Variants in TIMM23B observed in about 807,000 individuals in gnomAD.
TIMM23B encodes translocase of inner mitochondrial membrane 23 homolog B.
Under a neutral mutation model 27.3 loss-of-function variants are expected in TIMM23B, and 27 were observed. That is an observed-to-expected ratio of 0.99 (90% confidence interval 0.73 to 1.36). The LOEUF is 1.36. Among genes scored for constraint, TIMM23B ranks in the 40% most tolerant of loss-of-function variants. The pLI is 0.00. For synonymous variants in TIMM23B, 73 were observed against 92.4 expected, an observed-to-expected ratio of 0.79 and a Z score of 1.21; for missense variants, 205 against 244.2, an observed-to-expected ratio of 0.84 and a Z score of 1.07.
At chr10:49,952,268 A>T in intron 3 of TIMM23B, 49 bp downstream of exon 3, 1 of 1,534,630 alleles carries the variant, frequency 6.5e-7, no homozygotes, top group Non-Finnish European at 9.0e-7. Context: ...CAAGTAGTTG[A>T]GGGTGCGTAA....
intron 6 of TIMM23B, among the ~76,000 whole-genome samples, chr10:49,965,626 A>C (rs1386467781): frequency 2.2e-5 from 3 of 138,632 alleles, no homozygotes; most frequent in South Asian, 2.3e-4. Flanking sequence ...CGCACTCCAG[A>C]CTGGGCGATA....
intron 6 of TIMM23B, among the ~76,000 whole-genome samples, chr10:49,968,340 G>C (rs1219109316): frequency 2.0e-5 from 3 of 152,244 alleles, no homozygotes; most frequent in African/African-American, 7.2e-5. Context: ...GAAAAACTTA[G>C]ATTTTACAAT....
rs1320529818 is a variant in TIMM23B, at chr10:49,947,405, C to G, written c.165+2315C>G. Among the ~76,000 whole-genome samples, 3 of 149,584 alleles carry G rather than the reference C, an allele frequency of 2.0e-5. No homozygotes were observed. The East Asian group carries it at 6.0e-4, about 30-fold the overall frequency. On this transcript the variant is annotated intron_variant, in intron 2 of 6. Coordinates refer to ENST00000651259, the MANE Select transcript of TIMM23B (RefSeq NM_001290117.2). ...GGTGGATCACCTGAGGTCAGGAGTT[C>G]GAGACCAGCCTGGCCAACATGGTGA... is the stretch of plus-strand genomic sequence containing the variant.
intron 2 of TIMM23B, among the ~76,000 whole-genome samples, chr10:49,951,471 C>G (rs1359013471): frequency 6.6e-6 from 1 of 151,630 alleles, no homozygotes; most frequent in Non-Finnish European, 1.5e-5. Context: ...GGTGCATTGA[C>G]TCTTCAAAAT....
intron 2 of TIMM23B, among the ~76,000 whole-genome samples, chr10:49,951,793 G>C (rs1839537675): frequency 6.6e-6 from 1 of 152,194 alleles, no homozygotes; most frequent in Non-Finnish European, 1.5e-5. Flanking sequence ...GTTTCTTCCA[G>C]ACTGGTTGTC....
intron 1 of TIMM23B, among the ~76,000 whole-genome samples, chr10:49,942,734 C>T (rs5000941): frequency 3.3e-5 from 5 of 152,100 alleles, no homozygotes; most frequent in East Asian, 3.9e-4. Context: ...AGTAATATTG[C>T]ATGTAAGTGA....
chr10:49,962,611 G>A (rs1839958008), intron 6 of TIMM23B, among the ~76,000 whole-genome samples: 1 of 152,042 alleles, frequency 6.6e-6, no homozygotes, highest in Non-Finnish European at 1.5e-5. Context: ...CCACTTCAGG[G>A]CCTTTATTCT....
intron 2 of TIMM23B, among the ~76,000 whole-genome samples, chr10:49,947,704 G>C (rs1333973851): frequency 6.6e-6 from 1 of 152,134 alleles, no homozygotes; most frequent in Non-Finnish European, 1.5e-5. Context: ...TGAGGCGGGA[G>C]GATCACTTGA....
At chr10:49,945,335 A>G (rs1159501549) in intron 2 of TIMM23B, among the ~76,000 whole-genome samples, 1 of 152,112 alleles carries the variant, frequency 6.6e-6, no homozygotes, top group Non-Finnish European at 1.5e-5. Context: ...CCCCAATAAA[A>G]GTATTGGGAT....
chr10:49,958,333 ACT>A, intron 5 of TIMM23B, 35 bp from the exon 6 acceptor site: 2 of 1,562,582 alleles, frequency 1.3e-6, no homozygotes, highest in South Asian at 2.2e-5. Flanking sequence ...ACACTTTATC[ACT>A]GTTTTGTCAC....
rs1336965953 is a variant in TIMM23B at position 49,947,584 on chromosome 10, T to C, written c.165+2494T>C. ...AGATCGCACCACCCGCACTTCAGCC[T>C]GGGCAACAGAGTAAGACTCGGTCTC... On this transcript the variant is annotated intron_variant, in intron 2 of 6. Transcript: ENST00000651259. 9.5e-4 allele frequency among the ~76,000 whole-genome samples: 144 copies of C among 151,942 alleles called. 1 individual carries two copies. The highest frequency in any genetic ancestry group is 2.4e-4 in the Non-Finnish European group (16 of 68,000).
intron 2 of TIMM23B, among the ~76,000 whole-genome samples, chr10:49,947,434 C>A (rs1839388922): frequency 1.3e-5 from 2 of 151,452 alleles, no homozygotes; most frequent in South Asian, 4.2e-4. Context: ...ATGGTGAAAC[C>A]CCATCTCTAC....
Position 49,950,635 on chromosome 10 carries a change from G to A in TIMM23B, c.166-1491G>A, listed in dbSNP as rs1250165855. ...TCAGCTCACTGCAACCTCCACCCCC[G>A]GGTTCAAGCAATTCTCCTGCCTCAG... On this transcript the variant is annotated intron_variant, in intron 2 of 6. Coordinates refer to ENST00000651259, the MANE Select transcript of TIMM23B (RefSeq NM_001290117.2). 1.0e-2 allele frequency among the ~76,000 whole-genome samples: 1,486 copies of A among 149,148 alleles called. 6 individuals carry two copies. The highest frequency in any genetic ancestry group is 0.011 in the Non-Finnish European group (763 of 67,400).
At chr10:49,956,459 G>T (rs1357759673) in intron 5 of TIMM23B, among the ~76,000 whole-genome samples, 1 of 126,644 alleles carries the variant, frequency 7.9e-6, no homozygotes, top group Non-Finnish European at 1.9e-5. Context: ...GTGTGTGTGT[G>T]TGTGTGTGTG....
At chr10:49,951,723 A>G (rs1408002414) in intron 2 of TIMM23B, among the ~76,000 whole-genome samples, 15 of 152,172 alleles carry the variant, frequency 9.9e-5, no homozygotes, top group Admixed American at 7.2e-4. Context: ...GTTTGTGAAC[A>G]TTTGGCTTTA....
At chr10:49,970,955 A>G (rs1840415927) in intron 6 of TIMM23B, among the ~76,000 whole-genome samples, 1 of 152,234 alleles carries the variant, frequency 6.6e-6, no homozygotes, top group African/African-American at 2.4e-5. Context: ...GGAAGTAGAC[A>G]TAGGAGACTC....
chr10:49,971,345 A>T (rs1376601758), intron 6 of TIMM23B, among the ~76,000 whole-genome samples: 1 of 151,902 alleles, frequency 6.6e-6, no homozygotes. Context: ...AAAAAAAAAA[A>T]AAAATACTGC....
chr10:49,970,787 T>A (rs1470151571), intron 6 of TIMM23B, among the ~76,000 whole-genome samples: 152 of 152,156 alleles, frequency 1.0e-3, no homozygotes, highest in African/African-American at 3.5e-3. Flanking sequence ...TTCTGGGAAG[T>A]GAGGAGCCCC....
intron 6 of TIMM23B, among the ~76,000 whole-genome samples, chr10:49,961,509 A>G (rs1839906144): frequency 6.6e-6 from 1 of 151,962 alleles, no homozygotes; most frequent in Non-Finnish European, 1.5e-5. Flanking sequence ...TTTGAATAGC[A>G]TAGCAGCTAG....
Sources: gnomAD v4.1 joint callset for allele counts (sites outside exome capture counted in the v4.1 genomes callset) on GRCh38, gnomAD v4.1.1 for gene constraint, MANE v1.5 for transcripts, NCBI Gene and HGNC (gene_info 2026-07-23, HGNC 2026-07-21) for gene names.